The following STK40 variants were observed in gnomAD, a reference collection of about 807,000 sequenced individuals.
STK40 encodes the protein serine/threonine kinase 40.
In STK40, 13 loss-of-function variants were observed where a neutral mutation model predicts 47.9. The ratio of observed to expected loss-of-function variants is 0.27; its 90% CI spans 0.18 to 0.43. STK40 has a LOEUF of 0.43. Among genes scored for constraint, STK40 ranks in the 20% least tolerant of loss-of-function variants. The pLI is 1.00. For synonymous variants in STK40, 225 were observed against 243.2 expected, an observed-to-expected ratio of 0.93 and a Z score of 0.69; for missense variants, 460 against 595.1, an observed-to-expected ratio of 0.77 and a Z score of 2.36.
intron 1 of STK40, among the ~76,000 whole-genome samples, chr1:36,368,423 A>T (rs560664367): frequency 7.6e-4 from 115 of 152,240 alleles, no homozygotes; most frequent in African/African-American, 2.3e-3. Flanking sequence ...GCTAATTTTT[A>T]AAATGTTTTG....
intron 4 of STK40, among the ~76,000 whole-genome samples, chr1:36,357,411 G>C (rs1646814289): frequency 6.6e-6 from 1 of 152,188 alleles, no homozygotes; most frequent in African/African-American, 2.4e-5. Context: ...CTGTTCCCAA[G>C]CCTGTGAAGG....
At chr1:36,359,729 A>G (rs934735131) in intron 2 of STK40, among the ~76,000 whole-genome samples, 4 of 152,172 alleles carry the variant, frequency 2.6e-5, no homozygotes, top group African/African-American at 9.7e-5. Context: ...TGCTCTTAAC[A>G]TACCACCCAA....
intron 4 of STK40, among the ~76,000 whole-genome samples, chr1:36,356,269 T>C (rs981820395): frequency 6.6e-6 from 1 of 152,108 alleles, no homozygotes; most frequent in Non-Finnish European, 1.5e-5. Context: ...CTAGACCCAT[T>C]TTCCTTGCTG....
At chr1:36,383,267 A>T (rs1647056193) in intron 1 of STK40, among the ~76,000 whole-genome samples, 1 of 152,178 alleles carries the variant, frequency 6.6e-6, no homozygotes, top group Non-Finnish European at 1.5e-5. Flanking sequence ...TAACTATTAC[A>T]ATCTACTGCC....
At chr1:36,344,368 G>A (rs971081325) in intron 7 of STK40, 104 bp from the exon 8 acceptor site, 2 of 1,447,964 alleles carry the variant, frequency 1.4e-6, no homozygotes, top group Non-Finnish European at 1.8e-6. Flanking sequence ...CTCACTTCCA[G>A]TCCCCCCAGA....
rs146296840 is a variant in STK40 at position 36,378,918 on chromosome 1, G to A, written c.-9+6805C>T. On this transcript the variant is annotated intron_variant, in intron 1 of 10. Transcript: ENST00000373132. ...GGACTCTTGCTCCCCAGGGTTGGCA[G>A]ATGCCAGCAACAGGATTCCAAAAGC... is the stretch of plus-strand genomic sequence containing the variant. 9.1e-4 allele frequency among the ~76,000 whole-genome samples: 138 copies of A among 152,294 alleles called. 3 individuals are homozygous for A. In the East Asian group the frequency reaches 0.018, roughly 19 times the overall value.
At chr1:36,384,122 T>C (rs530657894) in intron 1 of STK40, among the ~76,000 whole-genome samples, 98 of 151,640 alleles carry the variant, frequency 6.5e-4, no homozygotes, top group African/African-American at 2.2e-3. Context: ...CTCTGCCTCA[T>C]AGGTTCAAGC....
intron 7 of STK40, among the ~76,000 whole-genome samples, chr1:36,347,999 G>C (rs966019945): frequency 6.6e-6 from 1 of 152,232 alleles, no homozygotes; most frequent in Non-Finnish European, 1.5e-5. Context: ...CCACTAGAAA[G>C]TCAGCTCCAT....
At position 36,370,880 on chromosome 1, in the gene STK40, C is replaced by CT. The variant is rs776772949; in HGVS notation, c.-8-9541dup. On this transcript the variant is annotated intron_variant, in intron 1 of 10. Coordinates refer to ENST00000373132, the MANE Select transcript of STK40 (RefSeq NM_001282547.2). Reference sequence around the variant, plus strand: ...CCTGTGCATATACTCCCGTACTACACTTTTTTTTTTTTTTTTGATGGAGTC... The same window carrying CT: ...CCTGTGCATATACTCCCGTACTACACTTTTTTTTTTTTTTTTTGATGGAGTC... Among the ~76,000 whole-genome samples the CT allele has an allele frequency of 6.9e-3, 977 of 141,582 alleles. 5 individuals carry two copies. The highest frequency in any genetic ancestry group is 0.019 in the East Asian group (93 of 4,854). The allele number at this position is 141,582 out of a possible 152,430, so 92.9% of individuals were successfully genotyped here. A position where few individuals can be genotyped will look rare whatever the true frequency, so the allele number is the denominator to read the frequency against.
chr1:36,373,415 A>G (rs1318321036), intron 1 of STK40, among the ~76,000 whole-genome samples: 1 of 152,078 alleles, frequency 6.6e-6, no homozygotes, highest in Non-Finnish European at 1.5e-5. Context: ...CTCCCCTTCT[A>G]TTATTGAAAA....
intron 1 of STK40, among the ~76,000 whole-genome samples, chr1:36,381,043 TCCAAAC>T (rs1180429496): frequency 6.6e-6 from 1 of 152,042 alleles, no homozygotes; most frequent in Non-Finnish European, 1.5e-5. Context: ...TGGCATCACT[TCCAAAC>T]ACTCCCAGAG....
chr1:36,372,930 A>AG (rs1281659008), intron 1 of STK40, among the ~76,000 whole-genome samples: 1 of 152,186 alleles, frequency 6.6e-6, no homozygotes, highest in African/African-American at 2.4e-5. Context: ...GGATACCTAC[A>AG]GACCTGCTCT....
At chr1:36,370,210 A>C (rs1646933622) in intron 1 of STK40, among the ~76,000 whole-genome samples, 1 of 152,246 alleles carries the variant, frequency 6.6e-6, no homozygotes, top group East Asian at 1.9e-4. Flanking sequence ...AAAACTGTTC[A>C]TAACATGCCT....
At chr1:36,371,550 C>A (rs1012172812) in intron 1 of STK40, among the ~76,000 whole-genome samples, 2 of 151,338 alleles carry the variant, frequency 1.3e-5, no homozygotes, top group African/African-American at 2.4e-5. Context: ...CAGAGCGAGA[C>A]TCCATCTCAA....
At position 36,340,479 on chromosome 1, in the gene STK40, G is replaced by GCCTCTCT. The variant is rs1646635279; in HGVS notation, c.*1269_*1275dup. 6.5e-6 allele frequency: 1 copy of GCCTCTCT among 152,688 alleles called. No homozygotes were observed. The allele number at this position is 152,688 out of a possible 1,614,324, so 9.5% of individuals were successfully genotyped here. A position where few individuals can be genotyped will look rare whatever the true frequency, so the allele number is the denominator to read the frequency against. On this transcript the variant is annotated 3_prime_UTR_variant, in exon 11 of 11. Coordinates refer to ENST00000373132, the MANE Select transcript of STK40 (RefSeq NM_001282547.2). ...CATGACTGCCTGGAGGGGACACTCAGCCTCTCTGAGGACATATGGGGGGTA... is the reference window on the plus strand; with the variant it reads ...CATGACTGCCTGGAGGGGACACTCAGCCTCTCTCCTCTCTGAGGACATATGGGGGGTA...
chr1:36,357,529 C>A (rs548000384), intron 4 of STK40, among the ~76,000 whole-genome samples: 16 of 152,246 alleles, frequency 1.1e-4, no homozygotes, highest in Non-Finnish European at 2.1e-4. Context: ...AATACCTTTC[C>A]TAAGGGATCT....
chr1:36,385,863 C>CGCA lies in STK40; in HGVS notation c.-150_-149insTGC. 5.8e-6 allele frequency: 1 copy of CGCA among 173,136 alleles called. No individual in the cohort carries two copies. The highest frequency in any genetic ancestry group is 1.4e-4 in the South Asian group (1 of 7,130). 10.7% of individuals were successfully genotyped at this position (173,136 alleles called of 1,614,324 possible). On this transcript the variant is annotated 5_prime_UTR_variant, in exon 1 of 11. Transcript: ENST00000373132. ...CGCCTCCCAGCGCAGCCACCCGAGC[C>CGCA]GCCGCCGCCGCCGCCGCCGCCTCCC... is the stretch of plus-strand genomic sequence containing the variant.
At chr1:36,363,070 G>A (rs1156377738) in intron 1 of STK40, among the ~76,000 whole-genome samples, 3 of 152,090 alleles carry the variant, frequency 2.0e-5, no homozygotes, top group Non-Finnish European at 4.4e-5. Context: ...CACGAGAATC[G>A]CTTGAACCCA....
intron 1 of STK40, among the ~76,000 whole-genome samples, chr1:36,370,100 T>G (rs2124746362): frequency 6.6e-6 from 1 of 152,342 alleles, no homozygotes. Flanking sequence ...AAGTCCCATG[T>G]CAGAAATGCA....
Sources: gnomAD v4.1 joint callset for allele counts (sites outside exome capture counted in the v4.1 genomes callset) on GRCh38, gnomAD v4.1.1 for gene constraint, MANE v1.5 for transcripts, NCBI Gene and HGNC (gene_info 2026-07-23, HGNC 2026-07-21) for gene names.